The following NEK1 variants were observed in gnomAD, a reference collection of about 807,000 sequenced individuals.
The protein encoded by NEK1 is serine/threonine-protein kinase Nek1.
Under a neutral mutation model 182.1 loss-of-function variants are expected in NEK1, and 137 were observed. That is an observed-to-expected ratio of 0.75 (90% CI 0.65 to 0.87). The LOEUF (loss-of-function observed/expected upper bound fraction) is 0.87. Ranked by LOEUF, NEK1 falls within the 40% of genes least tolerant of loss-of-function variation. The pLI is 0.00. For missense variants in NEK1, 1,391 were observed against 1,494.4 expected, an observed-to-expected ratio of 0.93 and a Z score of 1.14; for synonymous variants, 513 against 492.2, an observed-to-expected ratio of 1.04 and a Z score of -0.56.
intron 12 of NEK1, among the ~76,000 whole-genome samples, chr4:169,562,669 T>C (rs1763096253): frequency 6.6e-6 from 1 of 152,188 alleles, no homozygotes; most frequent in Admixed American, 6.5e-5. Context: ...TTTGTACTTA[T>C]ATATACAGTT....
At chr4:169,507,995 T>C (rs958525890) in intron 21 of NEK1, among the ~76,000 whole-genome samples, 1 of 152,210 alleles carries the variant, frequency 6.6e-6, no homozygotes, top group Non-Finnish European at 1.5e-5. Flanking sequence ...AAGATAATGA[T>C]ATAAAATGCA....
chr4:169,516,061 C>T (rs1402735179), intron 19 of NEK1, among the ~76,000 whole-genome samples: 2 of 30,742 alleles, frequency 6.5e-5, no homozygotes, highest in Non-Finnish European at 1.1e-4. Flanking sequence ...AGTTCTAGAT[C>T]CCTGAGGAAT....
intron 2 of NEK1, among the ~76,000 whole-genome samples, chr4:169,609,938 T>C (rs964358525): frequency 2.0e-5 from 3 of 152,142 alleles, no homozygotes; most frequent in Non-Finnish European, 2.9e-5. Context: ...TTTTCAAGTA[T>C]ATGAACTATG....
At chr4:169,400,094 T>C (rs767057717) in intron 35 of NEK1, 131 bp downstream of exon 35, 2 of 896,816 alleles carry the variant, frequency 2.2e-6, no homozygotes, top group Non-Finnish European at 3.6e-6. Context: ...AATTTTATTA[T>C]TGCTTAAAAG....
chr4:169,427,298 T>C (rs2149391468), intron 29 of NEK1, among the ~76,000 whole-genome samples: 1 of 152,040 alleles, frequency 6.6e-6, no homozygotes, highest in South Asian at 2.1e-4. Context: ...GGCTAATTTT[T>C]TATATTTTTA....
chr4:169,538,016 G>T, intron 18 of NEK1, 105 bp from the exon 19 acceptor site: 1 of 691,196 alleles, frequency 1.4e-6, no homozygotes, highest in Non-Finnish European at 2.4e-6. Flanking sequence ...GAATATGAAG[G>T]CTGATGAAAC....
At chr4:169,611,559 GAACA>G (rs1772329079) in intron 2 of NEK1, among the ~76,000 whole-genome samples, 1 of 151,988 alleles carries the variant, frequency 6.6e-6, no homozygotes, top group Non-Finnish European at 1.5e-5. Flanking sequence ...AGATCTTAAA[GAACA>G]AAAAATAGGC....
chr4:169,560,059 T>C (rs1158291189), intron 16 of NEK1, among the ~76,000 whole-genome samples: 1 of 152,224 alleles, frequency 6.6e-6, no homozygotes, highest in African/African-American at 2.4e-5. Flanking sequence ...TGATACAAAT[T>C]AGTGCATTCA....
At chr4:169,490,293 C>T (rs1447798378) in intron 23 of NEK1, among the ~76,000 whole-genome samples, 2 of 152,100 alleles carry the variant, frequency 1.3e-5, no homozygotes, top group Non-Finnish European at 2.9e-5. Context: ...AGCCAATGCA[C>T]CCTGCTCAAC....
intron 27 of NEK1, among the ~76,000 whole-genome samples, chr4:169,446,154 C>G (rs1396132570): frequency 2.0e-5 from 3 of 151,244 alleles, no homozygotes; most frequent in South Asian, 4.2e-4. Context: ...AGTAGGATGA[C>G]TACAGTTAAT....
Position 169,598,963 on chromosome 4 carries a change from G to T in NEK1, c.312+137C>A, listed in dbSNP as rs549067132. On this transcript the variant is annotated intron_variant, in intron 5 of 35. Transcript: ENST00000507142. ...GTGGCAGCTAATTAGAGGTAAATAT[G>T]AGTAAACTATTGATATACTAAACTT... The T allele has an allele frequency of 4.4e-5, 28 of 638,194 alleles. 1 individual carries two copies. The South Asian group carries it at 5.5e-4, about 13-fold the overall frequency. The allele number at this position is 638,194 out of a possible 1,614,324, so 39.5% of individuals were successfully genotyped here.
At chr4:169,575,078 A>G (rs1314896090) in intron 12 of NEK1, among the ~76,000 whole-genome samples, 2 of 152,222 alleles carry the variant, frequency 1.3e-5, no homozygotes, top group African/African-American at 4.8e-5. Flanking sequence ...GAGTATGACC[A>G]GAGTCTTACA....
At chr4:169,492,226 C>T (rs1185164119) in intron 23 of NEK1, among the ~76,000 whole-genome samples, 1 of 152,158 alleles carries the variant, frequency 6.6e-6, no homozygotes, top group Non-Finnish European at 1.5e-5. Flanking sequence ...GACGCTGCTT[C>T]AAGATTGTGA....
intron 23 of NEK1, among the ~76,000 whole-genome samples, chr4:169,496,680 G>C (rs1751362443): frequency 6.7e-6 from 1 of 150,258 alleles, no homozygotes; most frequent in African/African-American, 2.5e-5. Flanking sequence ...TTTTGCCTTT[G>C]GTTCTGTTTA....
intron 26 of NEK1, among the ~76,000 whole-genome samples, chr4:169,467,284 G>T (rs1420010778): frequency 6.6e-6 from 1 of 151,902 alleles, no homozygotes; most frequent in Non-Finnish European, 1.5e-5. Flanking sequence ...ACAGATTTTT[G>T]ACTACACGGG....
At chr4:169,436,223 T>C (rs186380167) in intron 28 of NEK1, among the ~76,000 whole-genome samples, 2 of 152,374 alleles carry the variant, frequency 1.3e-5, no homozygotes, top group African/African-American at 4.8e-5. Context: ...TATTTTAAGC[T>C]ACTAAGTTTT....
chr4:169,588,362 G>C (rs956622047), intron 8 of NEK1, among the ~76,000 whole-genome samples: 1 of 152,032 alleles, frequency 6.6e-6, no homozygotes, highest in African/African-American at 2.4e-5. Context: ...AGAAATACTA[G>C]CAATAATTTA....
chr4:169,585,569 T>C lies in NEK1; in HGVS notation c.607-20A>G, dbSNP rs1182130749. The C allele has an allele frequency of 6.6e-7, 1 of 1,513,452 alleles. No individual in the cohort carries two copies. The highest frequency in any genetic ancestry group is 2.3e-5 in the East Asian group (1 of 44,290). 93.8% of individuals were successfully genotyped at this position (1,513,452 alleles called of 1,614,324 possible). A position where few individuals can be genotyped will look rare whatever the true frequency, so the allele number is the denominator to read the frequency against. ...TTCAAACTAAATTCCAGAAAATAAA[T>C]AACATATAGGAAACATATATAAATT... On this transcript the variant is annotated intron_variant, in intron 9 of 35. Coordinates refer to ENST00000507142, the MANE Select transcript of NEK1 (RefSeq NM_001199397.3).
At position 169,602,632 on chromosome 4, in the gene NEK1, A is replaced by T; in HGVS notation, c.-2T>A. The T allele has an allele frequency of 6.5e-7, 1 of 1,535,788 alleles. No homozygotes were observed. Among genetic ancestry groups the T allele is most frequent in the South Asian group, 1.1e-5 (1 of 88,444 alleles). On this transcript the variant is annotated 5_prime_UTR_variant, in exon 3 of 36. Transcript: ENST00000507142. ...CTGTAGTCTAACATACTTCTCCATGATTCTTTTTCTAAGGCATCTTTACAG... is the reference window on the plus strand; with the variant it reads ...CTGTAGTCTAACATACTTCTCCATGTTTCTTTTTCTAAGGCATCTTTACAG...
Sources: allele counts gnomAD v4.1 joint callset (sites outside exome capture counted in the v4.1 genomes callset), GRCh38; gene constraint gnomAD v4.1.1; transcripts MANE v1.5; gene names NCBI Gene and HGNC (gene_info 2026-07-23, HGNC 2026-07-21).